Variants in XRN1 observed in about 807,000 individuals in gnomAD.
XRN1 encodes strand-exchange protein 1 homolog.
XRN1 carries 67 observed loss-of-function variants against 222.3 expected under a neutral mutation model. The ratio of observed to expected loss-of-function variants is 0.30; its 90% CI spans 0.25 to 0.37. XRN1 has a LOEUF of 0.37. Among genes scored for constraint, XRN1 ranks in the 10% least tolerant of loss-of-function variants. XRN1 has a pLI of 1.00. For missense variants in XRN1, 1,707 were observed against 2,000.2 expected, an observed-to-expected ratio of 0.85 and a Z score of 2.80; for synonymous variants, 643 against 652.4, an observed-to-expected ratio of 0.99 and a Z score of 0.22.
At position 142,322,897 on chromosome 3, in the gene XRN1, G is replaced by A. The variant is rs565971590; in HGVS notation, c.4405-3994C>T. 4.7e-4 allele frequency among the ~76,000 whole-genome samples: 71 copies of A among 152,192 alleles called. 1 individual carries two copies. Among genetic ancestry groups the A allele is most frequent in the Non-Finnish European group, 8.8e-4 (60 of 67,994 alleles). On this transcript the variant is annotated intron_variant, in intron 37 of 40. Coordinates refer to ENST00000392981, the MANE Select transcript of XRN1 (RefSeq NM_001282857.2). ...ATGCACCTGTAATCCCAGCTACTCA[G>A]GAGGCTGAGGCAGGATAATCGCTTG...
chr3:142,348,657 A>C (rs1018921303), intron 32 of XRN1, among the ~76,000 whole-genome samples: 5 of 152,208 alleles, frequency 3.3e-5, no homozygotes, highest in African/African-American at 1.2e-4. Flanking sequence ...GCACAGACAA[A>C]TGGACACTGG....
rs2069212108 is a variant in XRN1, at chr3:142,425,550, G to A, written c.407-12C>T. 6.3e-7 allele frequency: 1 copy of A among 1,591,396 alleles called. No homozygotes were observed. The highest frequency in any genetic ancestry group is 1.7e-5 in the Admixed American group (1 of 58,472). On this transcript the variant is annotated splice_polypyrimidine_tract_variant and intron_variant, in intron 3 of 40. Coordinates refer to ENST00000392981, the MANE Select transcript of XRN1 (RefSeq NM_001282857.2). The stretch of plus-strand genomic sequence containing the variant: ...CATAAATTCAGTTCCTAAAAATAAT[G>A]TTTTAAAAAGGTTAATCTAAGAAAG...
chr3:142,383,051 A>T (rs1203022827), intron 22 of XRN1, among the ~76,000 whole-genome samples: 1 of 152,196 alleles, frequency 6.6e-6, no homozygotes, highest in African/African-American at 2.4e-5. Context: ...CTGCTAAAAA[A>T]AAAGAGATCA....
At chr3:142,441,396 A>C (rs993640854) in intron 1 of XRN1, among the ~76,000 whole-genome samples, 2 of 152,250 alleles carry the variant, frequency 1.3e-5, no homozygotes, top group East Asian at 3.8e-4. Context: ...CCCAAGCCCC[A>C]GTGTTAAGCT....
At chr3:142,438,511 C>CTAA (rs1324908207) in intron 1 of XRN1, among the ~76,000 whole-genome samples, 1 of 152,150 alleles carries the variant, frequency 6.6e-6, no homozygotes, top group Non-Finnish European at 1.5e-5. Context: ...CGCTCTAGGA[C>CTAA]TAATGCTCAT....
chr3:142,311,756 A>T lies in XRN1; in HGVS notation c.4840T>A (p.Ser1614Thr). The change falls in exon 41 of 41, where the codon TCT (serine) becomes ACT (threonine). Residue 1614 changes from serine (S) to threonine (T), a missense_variant. By Grantham distance (58) the Ser-to-Thr change is moderately conservative. Around this residue, in one of 2 missense-constraint regions of XRN1, gnomAD observed 473 missense variants for 482.0 expected, o/e 0.98. Coordinates refer to ENST00000392981, the MANE Select transcript of XRN1 (RefSeq NM_001282857.2). The stretch of plus-strand genomic sequence containing the variant: ...CTAGTCTGAACTGGAGTGGCTTGAG[A>T]ACTCTGGGCTTCCTTATTCTCAAAG... Reference protein sequence around the residue: ...KNFENKEAQSSQATPVQTSQP... With the variant: ...KNFENKEAQSTQATPVQTSQP... The T allele has an allele frequency of 6.2e-7, 1 of 1,612,000 alleles. No homozygotes were observed. The highest frequency in any genetic ancestry group is 8.5e-7 in the Non-Finnish European group (1 of 1,178,956).
chr3:142,421,893 T>C (rs1333153079), intron 8 of XRN1, among the ~76,000 whole-genome samples: 1 of 151,960 alleles, frequency 6.6e-6, no homozygotes, highest in East Asian at 1.9e-4. Flanking sequence ...CTGTTTTATT[T>C]GGCATCACTA....
chr3:142,444,415 A>T (rs529932951), intron 1 of XRN1, among the ~76,000 whole-genome samples: 127 of 152,332 alleles, frequency 8.3e-4, no homozygotes, highest in African/African-American at 2.9e-3. Flanking sequence ...GTTGGAGAAG[A>T]GCCTGGCCAA....
intron 31 of XRN1, among the ~76,000 whole-genome samples, chr3:142,356,199 C>A: frequency 6.6e-6 from 1 of 152,190 alleles, no homozygotes; most frequent in Middle Eastern, 3.4e-3. Flanking sequence ...CTTCACCTTA[C>A]ACAAAATAAT....
intron 13 of XRN1, among the ~76,000 whole-genome samples, chr3:142,415,842 A>G (rs2068763972): frequency 6.6e-6 from 1 of 152,208 alleles, no homozygotes; most frequent in African/African-American, 2.4e-5. Flanking sequence ...AAAAGTCTCT[A>G]GTATTCACTG....
At chr3:142,347,773 T>C (rs989555797) in intron 32 of XRN1, among the ~76,000 whole-genome samples, 10 of 151,688 alleles carry the variant, frequency 6.6e-5, no homozygotes, top group African/African-American at 2.4e-4. Flanking sequence ...AGTTTTTGTA[T>C]TTTCAGTAGA....
intron 30 of XRN1, among the ~76,000 whole-genome samples, chr3:142,357,939 G>A (rs1450180009): frequency 6.6e-6 from 1 of 152,188 alleles, no homozygotes; most frequent in Non-Finnish European, 1.5e-5. Flanking sequence ...CCGGGAGGCT[G>A]AGGCAGGAGA....
intron 12 of XRN1, among the ~76,000 whole-genome samples, chr3:142,417,435 CTATCAAAAT>C (rs2068830392): frequency 6.6e-6 from 1 of 152,158 alleles, no homozygotes; most frequent in Non-Finnish European, 1.5e-5. Flanking sequence ...CCTAAACCAA[CTATCAAAAT>C]AGATAAGTCT....
In XRN1 at chr3:142,357,055, G is replaced by A. The variant is rs1173293003; in HGVS notation, c.3529C>T (p.Arg1177Cys). ...SALVNLSHGS[R>C]SETGNQKLTA... The stretch of plus-strand genomic sequence containing the variant: ...AACTTCTGATTTCCAGTTTCAGAGC[G>A]ACTCCCATGAGAAAGGTTCACCAAG... The change falls in exon 31 of 41, where the codon CGC (arginine) becomes TGC (cysteine). Residue 1177 changes from arginine to cysteine, a missense_variant. Arg to Cys is a radical substitution (Grantham distance 180). Around this residue, in one of 2 missense-constraint regions of XRN1, gnomAD observed 1,234 missense variants for 1,518.2 expected, o/e 0.81. Transcript: ENST00000392981. 6.2e-6 allele frequency: 10 copies of A among 1,613,704 alleles called. No homozygotes were observed. The East Asian group carries it at 6.7e-5, about 11-fold the overall frequency.
At chr3:142,312,874 G>A in intron 39 of XRN1, 116 bp from the exon 40 acceptor site, 3 of 1,092,448 alleles carry the variant, frequency 2.7e-6, no homozygotes, top group Non-Finnish European at 4.0e-6. Flanking sequence ...TTGGCAAAAG[G>A]CCTACACTTA....
chr3:142,381,948 T>G (rs367902919), intron 22 of XRN1, among the ~76,000 whole-genome samples: 1 of 152,104 alleles, frequency 6.6e-6, no homozygotes, highest in East Asian at 1.9e-4. Context: ...AAAAAAACAG[T>G]TCCTTATTTT....
rs374288955 is a variant in XRN1 at position 142,400,565 on chromosome 3, A to C, written c.2104-18T>G. 9.1e-5 allele frequency: 145 copies of C among 1,591,566 alleles called. No homozygotes were observed. Among genetic ancestry groups the C allele is most frequent in the Non-Finnish European group, 1.7e-5 (20 of 1,167,130 alleles). ...TCTACGGTCTTAAAGTAAAAGCAAA[A>C]AAGTTCATTCATGATTTCAGGTCTA... On this transcript the variant is annotated intron_variant, in intron 18 of 40. Coordinates refer to ENST00000392981, the MANE Select transcript of XRN1 (RefSeq NM_001282857.2).
intron 15 of XRN1, 137 bp from the exon 16 acceptor site, chr3:142,405,213 T>A: frequency 1.4e-6 from 1 of 735,176 alleles, no homozygotes; most frequent in Non-Finnish European, 2.2e-6. Flanking sequence ...TCTTAACTAA[T>A]GAAACTCTTC....
intron 5 of XRN1, among the ~76,000 whole-genome samples, chr3:142,424,119 A>G (rs2069149279): frequency 6.6e-6 from 1 of 151,072 alleles, no homozygotes; most frequent in Non-Finnish European, 1.5e-5. Context: ...TTTTTGAGAC[A>G]GAGTCTCGCT....
Sources: allele counts gnomAD v4.1 joint callset (sites outside exome capture counted in the v4.1 genomes callset), GRCh38; gene constraint gnomAD v4.1.1; regional missense constraint gnomAD v4.1.1; transcripts MANE v1.5; gene names NCBI Gene and HGNC (gene_info 2026-07-23, HGNC 2026-07-21).